FOXP2: variants seen among roughly 807,000 people sequenced by gnomAD.
The protein encoded by FOXP2 is forkhead box P2.
In FOXP2, 12 loss-of-function variants were observed where a neutral mutation model predicts 115.8. The ratio of observed to expected loss-of-function variants is 0.10; its 90% CI spans 0.07 to 0.17. The LOEUF (loss-of-function observed/expected upper bound fraction) is 0.17, where lower values mean the gene tolerates loss of function less well. FOXP2 is among the 10% of genes least tolerant of loss of function. The pLI is 1.00. For synonymous variants in FOXP2, 328 were observed against 297.7 expected (o/e 1.10, Z -1.05); for missense variants, 629 against 843.5 (o/e 0.75, Z 3.15).
intron 2 of FOXP2, among the ~76,000 whole-genome samples, chr7:114,312,260 A>G (rs1797165623): frequency 6.6e-6 from 1 of 152,138 alleles, no homozygotes; most frequent in African/African-American, 2.4e-5. Flanking sequence ...TTGCTGTCCT[A>G]TTCTCAAGAA....
chr7:114,239,528 A>G (rs1457558860), intron 1 of FOXP2, among the ~76,000 whole-genome samples: 1 of 152,162 alleles, frequency 6.6e-6, no homozygotes, highest in East Asian at 1.9e-4. Context: ...ATCTGCAGAA[A>G]TTGAGCATTT....
rs115633098 is a variant in FOXP2, at chr7:114,372,785, G to C, written c.-10-53717G>C. 7.4e-3 allele frequency among the ~76,000 whole-genome samples: 1,130 copies of C among 151,766 alleles called. 11 individuals carry two copies. The highest frequency in any genetic ancestry group is 0.026 in the African/African-American group (1,064 of 41,332). On this transcript the variant is annotated intron_variant, in intron 2 of 17. Transcript: ENST00000634411. ...AATAAAACAAGGTTAATCTGTTCTC[G>C]ACAAGTAAATAATTGCCATACATTG...
chr7:114,244,203 A>G (rs909111049), intron 1 of FOXP2, among the ~76,000 whole-genome samples: 1 of 152,130 alleles, frequency 6.6e-6, no homozygotes, highest in Admixed American at 6.6e-5. Context: ...ATACCTACCC[A>G]CTCAGTTTAC....
intron 16 of FOXP2, among the ~76,000 whole-genome samples, chr7:114,682,531 G>T (rs1376860654): frequency 6.6e-6 from 1 of 152,090 alleles, no homozygotes; most frequent in East Asian, 1.9e-4. Flanking sequence ...TTTTGTAGAA[G>T]AAAACCTAAT....
rs114615930 is a variant in FOXP2, at chr7:114,294,106, G to A, written c.-11+5997G>A. Among the ~76,000 whole-genome samples, 489 of 152,294 alleles carry A rather than the reference G, an allele frequency of 3.2e-3. 4 individuals are homozygous for A. Among genetic ancestry groups the A allele is most frequent in the African/African-American group, 0.011 (469 of 41,570 alleles). ...GATAGGTATGTATATTTACAAGATA[G>A]CCAAATGGAAAGAAAATGTGAAATG... On this transcript the variant is annotated intron_variant, in intron 2 of 17. Transcript: ENST00000634411.
At chr7:114,198,624 C>T (rs1474312050) in intron 1 of FOXP2, among the ~76,000 whole-genome samples, 1 of 152,186 alleles carries the variant, frequency 6.6e-6, no homozygotes, top group Non-Finnish European at 1.5e-5. Flanking sequence ...TAAATGGTCA[C>T]TTGGCGGGGC....
At chr7:114,671,086 A>G (rs1807463918) in intron 16 of FOXP2, among the ~76,000 whole-genome samples, 2 of 151,736 alleles carry the variant, frequency 1.3e-5, no homozygotes. Context: ...ATTTAATTCC[A>G]TTTTTATTTA....
At chr7:114,646,082 A>AAAAAT (rs1805867768) in intron 8 of FOXP2, among the ~76,000 whole-genome samples, 1 of 150,258 alleles carries the variant, frequency 6.7e-6, no homozygotes, top group Non-Finnish European at 1.5e-5. Context: ...AAAAAAAAAA[A>AAAAAT]TTGTTAAAGC....
chr7:114,136,712 AAAGT>A (rs1053263636), intron 1 of FOXP2, among the ~76,000 whole-genome samples: 4 of 151,936 alleles, frequency 2.6e-5, no homozygotes, highest in Admixed American at 6.6e-5. Flanking sequence ...TAAAAGAAAG[AAAGT>A]AATACTAGAA....
At chr7:114,257,091 A>G (rs1381702835) in intron 1 of FOXP2, among the ~76,000 whole-genome samples, 2 of 152,244 alleles carry the variant, frequency 1.3e-5, no homozygotes, top group Non-Finnish European at 2.9e-5. Context: ...TGGTACCAAA[A>G]CAGACACATA....
chr7:114,553,924 A>T (rs1170530088), intron 3 of FOXP2, among the ~76,000 whole-genome samples: 1 of 152,136 alleles, frequency 6.6e-6, no homozygotes, highest in African/African-American at 2.4e-5. Flanking sequence ...GCTATTGATC[A>T]TCTGATTGCA....
chr7:114,380,036 T>C (rs975937090), intron 2 of FOXP2, among the ~76,000 whole-genome samples: 5 of 152,210 alleles, frequency 3.3e-5, no homozygotes, highest in Admixed American at 2.0e-4. Flanking sequence ...TTAGGGGTCC[T>C]TCTATAAGCA....
chr7:114,499,503 T>C (rs2129250937), intron 2 of FOXP2: 1 of 152,326 alleles, frequency 6.6e-6, no homozygotes, highest in East Asian at 1.9e-4. Flanking sequence ...TAACTCAGAT[T>C]TCACTGTTAG....
At chr7:114,611,610 T>C (rs147617542) in intron 3 of FOXP2, among the ~76,000 whole-genome samples, 1 of 152,284 alleles carries the variant, frequency 6.6e-6, no homozygotes, top group African/African-American at 2.4e-5. Flanking sequence ...TTTGAATACA[T>C]TTTCATAGCT....
At chr7:114,657,599 G>T (rs1806655252) in intron 10 of FOXP2, among the ~76,000 whole-genome samples, 1 of 152,066 alleles carries the variant, frequency 6.6e-6, no homozygotes, top group South Asian at 2.1e-4. Flanking sequence ...TTTTCCAGCT[G>T]GCTGGAGCCT....
chr7:114,101,989 A>T (rs573105726), intron 1 of FOXP2, among the ~76,000 whole-genome samples: 1 of 150,132 alleles, frequency 6.7e-6, no homozygotes, highest in African/African-American at 2.4e-5. Context: ...CAGTTATCTG[A>T]TGATAATCAT....
chr7:114,528,464 T>C (rs1017295492), intron 2 of FOXP2, among the ~76,000 whole-genome samples: 3 of 152,050 alleles, frequency 2.0e-5, no homozygotes, highest in Non-Finnish European at 4.4e-5. Flanking sequence ...TCTCCACAAG[T>C]GTGCAGTGCT....
At chr7:114,359,636 T>A (rs1791699001) in intron 2 of FOXP2, among the ~76,000 whole-genome samples, 1 of 152,240 alleles carries the variant, frequency 6.6e-6, no homozygotes, top group South Asian at 2.1e-4. Flanking sequence ...CAGCATGACC[T>A]GGATGTGAGA....
At chr7:114,688,855 G>C (rs1434387129) in intron 16 of FOXP2, among the ~76,000 whole-genome samples, 1 of 152,150 alleles carries the variant, frequency 6.6e-6, no homozygotes, top group Admixed American at 6.6e-5. Context: ...TAATGGCAAA[G>C]CCTTGCTGCA....
Sources: gnomAD v4.1 joint callset for allele counts (sites outside exome capture counted in the v4.1 genomes callset) on GRCh38, gnomAD v4.1.1 for gene constraint, MANE v1.5 for transcripts, NCBI Gene and HGNC (gene_info 2026-07-23, HGNC 2026-07-21) for gene names.